The following TARS1 variants were observed in gnomAD, a reference collection of about 807,000 sequenced individuals.
The protein encoded by TARS1 is threonine--tRNA ligase 1, cytoplasmic.
TARS1 carries 57 observed loss-of-function variants against 97.7 expected under a neutral mutation model. The observed-to-expected ratio is 0.58, with a 90% CI of 0.47 to 0.73. The LOEUF (loss-of-function observed/expected upper bound fraction) is 0.73, where lower values mean the gene tolerates loss of function less well. Among genes scored for constraint, TARS1 ranks in the 30% least tolerant of loss-of-function variants. TARS1 has a pLI of 0.00. For synonymous variants in TARS1, 312 were observed against 293.7 expected (o/e 1.06, Z -0.64); for missense variants, 806 against 888.3 (o/e 0.91, Z 1.18).
intron 17 of TARS1, among the ~76,000 whole-genome samples, chr5:33,464,155 A>G (rs868246875): frequency 1.3e-5 from 2 of 152,180 alleles, no homozygotes; most frequent in Admixed American, 1.3e-4. Context: ...GGGCTCACGC[A>G]GTCCTCCCAC....
At chr5:33,449,441 C>CTTTTTT (rs1741609657) in intron 3 of TARS1, among the ~76,000 whole-genome samples, 3 of 103,940 alleles carry the variant, frequency 2.9e-5, no homozygotes, top group South Asian at 3.6e-4. Flanking sequence ...TTCTTTTTTT[C>CTTTTTT]TTTCTTTTTT....
chr5:33,460,025 CCA>C, intron 11 of TARS1, 164 bp downstream of exon 11: 3 of 654,048 alleles, frequency 4.6e-6, no homozygotes, highest in Admixed American at 3.5e-5. Context: ...GATTAGATCC[CCA>C]CTTTTTTTTT....
At chr5:33,458,706 G>C (rs772018145) in intron 10 of TARS1, 42 bp downstream of exon 10, 67 of 1,468,258 alleles carry the variant, frequency 4.6e-5, no homozygotes, top group Non-Finnish European at 5.9e-5. Context: ...TTTAGGATAT[G>C]TGATCATTTT....
At chr5:33,446,552 T>A (rs1741428416) in intron 2 of TARS1, 5 of 523,938 alleles carry the variant, frequency 9.5e-6, no homozygotes, top group South Asian at 4.6e-5. Flanking sequence ...TAACGATTGG[T>A]CTGGAAAAAA....
rs193008645 is a variant in TARS1, at chr5:33,457,995, C to A, written c.985-571C>A. Among the ~76,000 whole-genome samples the A allele has an allele frequency of 5.3e-5, 8 of 152,276 alleles. No homozygotes were observed. In the East Asian group the frequency reaches 1.5e-3, roughly 29 times the overall value. ...CTTGCACCCCTGACTACCTGACATT[C>A]CAGCTATGAGGCAGCCAGCAATGAT... On this transcript the variant is annotated intron_variant, in intron 9 of 18. Coordinates refer to ENST00000265112, the MANE Select transcript of TARS1 (RefSeq NM_152295.5).
intron 1 of TARS1, among the ~76,000 whole-genome samples, chr5:33,443,354 T>TCTCA (rs1554011369): frequency 6.9e-6 from 1 of 145,206 alleles, no homozygotes; most frequent in Admixed American, 6.8e-5. Flanking sequence ...TCTCTCTCTC[T>TCTCA]CTCTCTCACT....
At chr5:33,458,461 G>A in intron 9 of TARS1, 105 bp from the exon 10 acceptor site, 1 of 818,080 alleles carries the variant, frequency 1.2e-6, no homozygotes, top group Non-Finnish European at 1.9e-6. Flanking sequence ...TGAAATATGG[G>A]ACATCATGAC....
chr5:33,442,869 A>G lies in TARS1; in HGVS notation c.57+1726A>G, dbSNP rs574680905. Among the ~76,000 whole-genome samples the G allele has an allele frequency of 8.9e-4, 135 of 152,286 alleles. 4 individuals carry two copies. The South Asian group carries it at 0.027, about 30-fold the overall frequency. On this transcript the variant is annotated intron_variant, in intron 1 of 18. Coordinates refer to ENST00000265112, the MANE Select transcript of TARS1 (RefSeq NM_152295.5). ...TATTATCTCCATTATACAGATGAGA[A>G]AGCAGGCGTAGGAACAGTAACTTGC...
intron 3 of TARS1, 105 bp downstream of exon 3, chr5:33,448,836 C>A: frequency 1.0e-6 from 1 of 972,778 alleles, no homozygotes; most frequent in Non-Finnish European, 1.4e-6. Flanking sequence ...TGTTACCATT[C>A]AGTGTTTTTA....
chr5:33,459,093 T>C (rs1742171447), intron 10 of TARS1, among the ~76,000 whole-genome samples: 1 of 152,038 alleles, frequency 6.6e-6, no homozygotes, highest in African/African-American at 2.4e-5. Context: ...TTTTCATTCA[T>C]GATATTAAAA....
At position 33,453,336 on chromosome 5, in the gene TARS1, T is replaced by G. The variant is rs774360891; in HGVS notation, c.377T>G (p.Val126Gly). The change falls in exon 4 of 19, where the codon GTG (valine) becomes GGG (glycine). Residue 126 changes from valine to glycine, a missense_variant. Transcript: ENST00000265112. ...GTTATTGCTAAAGTAAATAATGTTG[T>G]GTGGGACCTGGACCGCCCTCTGGAA... ...NTVIAKVNNV[V>G]WDLDRPLEED... 2.5e-6 allele frequency: 4 copies of G among 1,612,312 alleles called. No individual in the cohort carries two copies. The highest frequency in any genetic ancestry group is 3.4e-6 in the Non-Finnish European group (4 of 1,179,580).
At chr5:33,443,475 C>CTTTT (rs199902596) in intron 1 of TARS1, among the ~76,000 whole-genome samples, 56 of 130,234 alleles carry the variant, frequency 4.3e-4, no homozygotes, top group Non-Finnish European at 5.5e-4. Flanking sequence ...ATTTTTCTTT[C>CTTTT]TTTTTTTTTT....
chr5:33,443,438 T>C (rs974347904), intron 1 of TARS1, among the ~76,000 whole-genome samples: 1 of 151,302 alleles, frequency 6.6e-6, no homozygotes, highest in African/African-American at 2.4e-5. Flanking sequence ...TTATCATCTT[T>C]CCATTTTAAA....
At chr5:33,465,163 G>C (rs1742474361) in intron 17 of TARS1, among the ~76,000 whole-genome samples, 1 of 152,176 alleles carries the variant, frequency 6.6e-6, no homozygotes. Context: ...TCCTGTTACT[G>C]CACTCAGTAG....
At position 33,461,966 on chromosome 5, in the gene TARS1, G is replaced by T. The variant is rs774595361; in HGVS notation, c.1690G>T (p.Asp564Tyr). The change falls in exon 15 of 19, where the codon GAT becomes TAT. Residue 564 changes from aspartate to tyrosine, a missense_variant. This residue lies in a region of TARS1 where 446 missense variants were observed against 511.0 expected (regional missense o/e 0.87). Coordinates refer to ENST00000265112, the MANE Select transcript of TARS1 (RefSeq NM_152295.5). ...CCACCAGTGTGCAACCATCCAGCTG[G>T]ATTTCCAGTTGCCCATCAGATTTAA... ...RYHQCATIQL[D>Y]FQLPIRFNLT... The T allele has an allele frequency of 1.9e-6, 3 of 1,614,038 alleles. No homozygotes were observed. The highest frequency in any genetic ancestry group is 2.5e-6 in the Non-Finnish European group (3 of 1,179,916).
At chr5:33,451,701 TA>T (rs1312039628) in intron 3 of TARS1, among the ~76,000 whole-genome samples, 1 of 152,216 alleles carries the variant, frequency 6.6e-6, no homozygotes, top group Non-Finnish European at 1.5e-5. Context: ...AAGATTATTT[TA>T]CCCTTCTTTG....
rs549067784 is a variant in TARS1 at position 33,455,233 on chromosome 5, G to A, written c.575+167G>A. On this transcript the variant is annotated intron_variant, in intron 5 of 18. Coordinates refer to ENST00000265112, the MANE Select transcript of TARS1 (RefSeq NM_152295.5). Reference sequence around the variant, plus strand: ...TTGCAATTTACCTGAAGTAATAGAGGATTTGATGAGACCTCTGTTCTAGAT... The same window carrying A: ...TTGCAATTTACCTGAAGTAATAGAGAATTTGATGAGACCTCTGTTCTAGAT... 2.2e-4 allele frequency among the ~76,000 whole-genome samples: 33 copies of A among 152,190 alleles called. No homozygotes were observed. In the South Asian group the frequency reaches 2.5e-3, roughly 11 times the overall value.
At chr5:33,448,407 T>C (rs531220375) in intron 2 of TARS1, 134 bp from the exon 3 acceptor site, 4 of 648,784 alleles carry the variant, frequency 6.2e-6, no homozygotes, top group African/African-American at 5.6e-5. Context: ...CGGGTGATTT[T>C]GGCAGTGTTT....
intron 5 of TARS1, 76 bp from the exon 6 acceptor site, chr5:33,455,511 A>G (rs6880623): frequency 0.15 from 135,704 of 933,946 alleles, 10,814 homozygotes; most frequent in South Asian, 0.25. Flanking sequence ...TCCAAATACT[A>G]TTTCCAAATG....
Sources: gnomAD v4.1 joint callset for allele counts (sites outside exome capture counted in the v4.1 genomes callset) on GRCh38, gnomAD v4.1.1 for gene constraint, gnomAD v4.1.1 regional missense constraint, MANE v1.5 for transcripts, NCBI Gene and HGNC (gene_info 2026-07-23, HGNC 2026-07-21) for gene names.